The following BCL11A variants were observed in gnomAD, a reference collection of about 807,000 sequenced individuals.
The protein encoded by BCL11A is BCL11 transcription factor A, also known as B cell CLL/lymphoma 11A.
Under a neutral mutation model 55.9 loss-of-function variants are expected in BCL11A, and 2 were observed. The observed-to-expected ratio is 0.04, with a 90% CI of 0.01 to 0.11. The LOEUF is 0.11. Among genes scored for constraint, BCL11A ranks in the 10% least tolerant of loss-of-function variants. The probability of loss-of-function intolerance (pLI) is 1.00; values close to 1 mark genes in which losing one functional copy is unlikely to be tolerated. For synonymous variants in BCL11A, 465 were observed against 473.4 expected, an observed-to-expected ratio of 0.98 and a Z score of 0.23; for missense variants, 817 against 1,137.1, an observed-to-expected ratio of 0.72 and a Z score of 4.05.
chr2:60,545,898 A>G, intron 2 of BCL11A, 73 bp downstream of exon 2: 2 of 1,319,424 alleles, frequency 1.5e-6, no homozygotes, highest in Non-Finnish European at 2.1e-6. Flanking sequence ...ACAACTCCTT[A>G]CTGCTTGGCT....
chr2:60,464,975 C>A (rs1168913034), intron 3 of BCL11A, among the ~76,000 whole-genome samples: 3 of 152,160 alleles, frequency 2.0e-5, no homozygotes, highest in Non-Finnish European at 4.4e-5. Context: ...ATCATGAGGG[C>A]AGCTAGTGTA....
chr2:60,539,025 G>T (rs1669800745), intron 2 of BCL11A, among the ~76,000 whole-genome samples: 4 of 152,188 alleles, frequency 2.6e-5, no homozygotes, highest in Admixed American at 1.3e-4. Flanking sequence ...TCCAAGAGAA[G>T]AAAAGGATGA....
chr2:60,553,576 G>GC lies in BCL11A; in HGVS notation c.-307dup, dbSNP rs978078768. On this transcript the variant is annotated 5_prime_UTR_variant, in exon 1 of 4. Coordinates refer to ENST00000642384, the MANE Select transcript of BCL11A (RefSeq NM_022893.4). ...GAGAGAGATGAAAAAAATGGCAAAA[G>GC]CCCCCCTGAGCTGCAAGTTCAAGTG... The GC allele has an allele frequency of 2.6e-5, 10 of 381,302 alleles. No homozygotes were observed. Among genetic ancestry groups the GC allele is most frequent in the Admixed American group, 1.6e-4 (3 of 18,990 alleles). The allele number at this position is 381,302 out of a possible 1,614,324, so 23.6% of individuals were successfully genotyped here. A position where few individuals can be genotyped will look rare whatever the true frequency, so the allele number is the denominator to read the frequency against.
chr2:60,530,236 TCTTGAGCCTTC>T (rs902694220), intron 2 of BCL11A, among the ~76,000 whole-genome samples: 38 of 151,818 alleles, frequency 2.5e-4, no homozygotes, highest in South Asian at 1.9e-3. Flanking sequence ...CCCTGGCCTT[TCTTGAGCCTTC>T]CTTGAGCCTT....
intron 2 of BCL11A, among the ~76,000 whole-genome samples, chr2:60,474,538 G>A (rs758706765): frequency 3.3e-5 from 5 of 152,150 alleles, no homozygotes; most frequent in African/African-American, 2.4e-5. Flanking sequence ...TCACTTGATC[G>A]TGAATTAGAT....
chr2:60,463,123 G>A (rs1476026574), intron 3 of BCL11A, among the ~76,000 whole-genome samples: 1 of 152,178 alleles, frequency 6.6e-6, no homozygotes, highest in African/African-American at 2.4e-5. Flanking sequence ...CCCAATTTTG[G>A]TTCCACAACA....
At chr2:60,526,470 A>C (rs1669207095) in intron 2 of BCL11A, 1 of 152,230 alleles carries the variant, frequency 6.6e-6, no homozygotes, top group Non-Finnish European at 1.5e-5. Flanking sequence ...TCTGCATCGC[A>C]GACAGCAGTG....
chr2:60,476,998 T>C (rs887519903), intron 2 of BCL11A, among the ~76,000 whole-genome samples: 2 of 152,162 alleles, frequency 1.3e-5, no homozygotes, highest in Non-Finnish European at 2.9e-5. Context: ...CATATTTCTG[T>C]CACCCGAATT....
chr2:60,464,225 G>A (rs1328443311), intron 3 of BCL11A, among the ~76,000 whole-genome samples: 1 of 152,138 alleles, frequency 6.6e-6, no homozygotes, highest in Non-Finnish European at 1.5e-5. Flanking sequence ...TCAAACATTT[G>A]TCTAATGTGG....
intron 3 of BCL11A, among the ~76,000 whole-genome samples, chr2:60,462,882 C>A (rs917944357): frequency 1.3e-5 from 2 of 152,188 alleles, no homozygotes. Flanking sequence ...TCTATTCCCC[C>A]CTGGGTGACA....
intron 2 of BCL11A, among the ~76,000 whole-genome samples, chr2:60,529,458 G>A (rs192651247): frequency 7.9e-5 from 12 of 152,298 alleles, no homozygotes; most frequent in African/African-American, 2.6e-4. Flanking sequence ...TTTATTTCGT[G>A]TAATCAAAGA....
At chr2:60,471,641 G>A (rs909715357) in intron 2 of BCL11A, among the ~76,000 whole-genome samples, 4 of 152,220 alleles carry the variant, frequency 2.6e-5, no homozygotes, top group Admixed American at 6.5e-5. Flanking sequence ...GCTGCCCCTG[G>A]TTGAGGGCCT....
intron 3 of BCL11A, among the ~76,000 whole-genome samples, chr2:60,463,730 C>A (rs1298075834): frequency 6.6e-6 from 1 of 151,158 alleles, no homozygotes; most frequent in Non-Finnish European, 1.5e-5. Context: ...TAGTCAACTG[C>A]AACATTAAAA....
chr2:60,468,580 T>G, intron 3 of BCL11A, 152 bp downstream of exon 3: 3 of 534,108 alleles, frequency 5.6e-6, no homozygotes, highest in Admixed American at 3.4e-5. Context: ...CTGAGTGGAG[T>G]GGGGAGCGGC....
intron 2 of BCL11A, among the ~76,000 whole-genome samples, chr2:60,529,261 T>C (rs949041226): frequency 1.3e-5 from 2 of 152,216 alleles, no homozygotes; most frequent in Admixed American, 6.5e-5. Flanking sequence ...TGACATGTTT[T>C]ACCATGTGCC....
chr2:60,467,210 ATGGTACTGG>A (rs1572961251), intron 3 of BCL11A, among the ~76,000 whole-genome samples: 1 of 61,366 alleles, frequency 1.6e-5, no homozygotes, highest in Non-Finnish European at 3.3e-5. Context: ...GATGGCGGTG[ATGGTACTGG>A]TGATGGTGGT....
At position 60,461,077 on chromosome 2, in the gene BCL11A, G is replaced by C; in HGVS notation, c.1835C>G (p.Ser612Trp). ...VNGRGCSPGE[S>W]ASGGLSKKLL... ...CTTTTTGGACAGGCCCCCCGAGGCC[G>C]ACTCGCCCGGGGAGCAGCCGCGGCC... Residue 612 changes from serine to tryptophan, a missense_variant, in exon 4 of 4, where the codon TCG becomes TGG. Coordinates refer to ENST00000642384, the MANE Select transcript of BCL11A (RefSeq NM_022893.4). 1 of 1,602,412 alleles carries C rather than the reference G, an allele frequency of 6.2e-7. No homozygotes were observed. The highest frequency in any genetic ancestry group is 8.5e-7 in the Non-Finnish European group (1 of 1,173,608).
chr2:60,514,521 AGC>A (rs1224317146), intron 2 of BCL11A, among the ~76,000 whole-genome samples: 1 of 145,816 alleles, frequency 6.9e-6, no homozygotes, highest in Non-Finnish European at 1.5e-5. Context: ...AAAAAAAATC[AGC>A]CAGGTGTGAT....
At chr2:60,550,920 G>C (rs960623796) in intron 1 of BCL11A, 2 of 397,802 alleles carry the variant, frequency 5.0e-6, no homozygotes, top group Non-Finnish European at 8.9e-6. Context: ...TCCGCATCCG[G>C]CGCGGCCGGG....
Sources: gnomAD v4.1 joint callset for allele counts (sites outside exome capture counted in the v4.1 genomes callset) on GRCh38, gnomAD v4.1.1 for gene constraint, MANE v1.5 for transcripts, NCBI Gene and HGNC (gene_info 2026-07-23, HGNC 2026-07-21) for gene names.